The following CAMK4 variants were observed in gnomAD, a reference collection of about 807,000 sequenced individuals.
CAMK4 encodes the protein calcium/calmodulin-dependent protein kinase type IV.
CAMK4 carries 22 observed loss-of-function variants against 44.9 expected under a neutral mutation model. That is an observed-to-expected ratio of 0.49 (90% CI 0.35 to 0.70). The LOEUF is 0.70. CAMK4 is among the 30% of genes least tolerant of loss of function. The pLI is 0.01. For synonymous variants in CAMK4, 218 were observed against 215.4 expected (o/e 1.01, Z -0.11); for missense variants, 498 against 586.8 (o/e 0.85, Z 1.56).
Position 111,487,832 on chromosome 5 carries a change from T to C in CAMK4, c.*3366T>C, listed in dbSNP as rs1019181912. 9.9e-5 allele frequency: 15 copies of C among 152,166 alleles called. No individual in the cohort carries two copies. Among genetic ancestry groups the C allele is most frequent in the African/African-American group, 3.6e-4 (15 of 41,434 alleles). The allele number at this position is 152,166 out of a possible 1,614,324, so 9.4% of individuals were successfully genotyped here. A position where few individuals can be genotyped will look rare whatever the true frequency, so the allele number is the denominator to read the frequency against. On this transcript the variant is annotated 3_prime_UTR_variant, in exon 11 of 11. Coordinates refer to ENST00000282356, the MANE Select transcript of CAMK4 (RefSeq NM_001744.6). ...GATTTAAGTGGCCTCAGTTTTCACA[T>C]TGAGGAGCTGGTGGGAGGCCACAAA...
chr5:111,256,307 A>G (rs1450194228), intron 1 of CAMK4, among the ~76,000 whole-genome samples: 1 of 152,176 alleles, frequency 6.6e-6, no homozygotes, highest in Non-Finnish European at 1.5e-5. Flanking sequence ...ATTGGGTGTG[A>G]TCACAAAGAG....
At chr5:111,258,180 C>G (rs1190055948) in intron 1 of CAMK4, among the ~76,000 whole-genome samples, 1 of 152,156 alleles carries the variant, frequency 6.6e-6, no homozygotes, top group Non-Finnish European at 1.5e-5. Context: ...TAAAAATAGA[C>G]ATGGCTTTAT....
chr5:111,326,882 G>T (rs900576539), intron 1 of CAMK4, among the ~76,000 whole-genome samples: 1 of 151,748 alleles, frequency 6.6e-6, no homozygotes, highest in Non-Finnish European at 1.5e-5. Context: ...TGGACCAATG[G>T]CAACAGTGTG....
At chr5:111,383,757 G>A (rs758220831) in intron 4 of CAMK4, among the ~76,000 whole-genome samples, 12 of 151,648 alleles carry the variant, frequency 7.9e-5, no homozygotes, top group Non-Finnish European at 1.5e-4. Flanking sequence ...GAGTCACCCC[G>A]CCCAGCCAAG....
intron 1 of CAMK4, among the ~76,000 whole-genome samples, chr5:111,289,035 TGGGAGAGGAGATGTTGA>T (rs1442440757): frequency 6.6e-6 from 1 of 152,140 alleles, no homozygotes; most frequent in Non-Finnish European, 1.5e-5. Flanking sequence ...AAGCTCATGG[TGGGAGAGGAGATGTTGA>T]AATACAGGCA....
chr5:111,344,602 G>A (rs1387094278), intron 2 of CAMK4, among the ~76,000 whole-genome samples: 1 of 151,802 alleles, frequency 6.6e-6, no homozygotes, highest in East Asian at 1.9e-4. Context: ...ACTTGCTTCA[G>A]TAGAGTATAA....
At chr5:111,314,850 A>G (rs1748354456) in intron 1 of CAMK4, among the ~76,000 whole-genome samples, 1 of 152,148 alleles carries the variant, frequency 6.6e-6, no homozygotes, top group Non-Finnish European at 1.5e-5. Flanking sequence ...AGAAACAACT[A>G]CAAAGGCTTT....
chr5:111,268,373 G>A (rs1219991493), intron 1 of CAMK4, among the ~76,000 whole-genome samples: 2 of 152,204 alleles, frequency 1.3e-5, no homozygotes, highest in Non-Finnish European at 2.9e-5. Flanking sequence ...AATAGCACAT[G>A]TAAGTGTTCA....
In CAMK4 at chr5:111,481,796, C is replaced by T. The variant is rs528445154; in HGVS notation, c.829-989C>T. ...AATCTTTCTGAGCTACCCTGCTTCC[C>T]TCATTTATGAATTGGCACTAGTAGT... On this transcript the variant is annotated intron_variant, in intron 9 of 10. Transcript: ENST00000282356. Among the ~76,000 whole-genome samples, 5 of 152,276 alleles carry T rather than the reference C, an allele frequency of 3.3e-5. No homozygotes were observed. The East Asian group carries it at 9.6e-4, about 29-fold the overall frequency.
chr5:111,335,017 G>A (rs778289013), intron 1 of CAMK4, among the ~76,000 whole-genome samples: 6 of 151,334 alleles, frequency 4.0e-5, no homozygotes, highest in Non-Finnish European at 5.9e-5. Context: ...CTTTTACATG[G>A]CCATGAAGCA....
chr5:111,334,053 A>G (rs1749290373), intron 1 of CAMK4, among the ~76,000 whole-genome samples: 1 of 151,584 alleles, frequency 6.6e-6, no homozygotes, highest in African/African-American at 2.4e-5. Flanking sequence ...GATAAGAAAG[A>G]GTGCAGTTGT....
At chr5:111,272,119 TTG>T (rs760290469) in intron 1 of CAMK4, among the ~76,000 whole-genome samples, 11 of 148,616 alleles carry the variant, frequency 7.4e-5, no homozygotes, top group Non-Finnish European at 1.2e-4. Flanking sequence ...GTGTGTGTGT[TTG>T]TGTGTGTGTG....
At chr5:111,314,641 A>C (rs1332788403) in intron 1 of CAMK4, among the ~76,000 whole-genome samples, 2 of 152,108 alleles carry the variant, frequency 1.3e-5, no homozygotes, top group Non-Finnish European at 2.9e-5. Context: ...AGTTCCCACC[A>C]ATATAATGAT....
chr5:111,333,108 C>T (rs1749242368), intron 1 of CAMK4, among the ~76,000 whole-genome samples: 1 of 151,312 alleles, frequency 6.6e-6, no homozygotes. Context: ...GTATATATTG[C>T]TTATTAATAT....
chr5:111,476,274 T>TG (rs1222501104), intron 8 of CAMK4, among the ~76,000 whole-genome samples: 5 of 149,136 alleles, frequency 3.4e-5, no homozygotes, highest in African/African-American at 1.3e-4. Context: ...TGTGTGTTTG[T>TG]GTGTGTGTGT....
chr5:111,229,445 C>G (rs1310006505), intron 1 of CAMK4, among the ~76,000 whole-genome samples: 1 of 152,190 alleles, frequency 6.6e-6, no homozygotes. Flanking sequence ...TTCCAAAAGC[C>G]CCACCTATAA....
intron 2 of CAMK4, among the ~76,000 whole-genome samples, chr5:111,372,097 A>G (rs778729648): frequency 3.3e-5 from 5 of 152,188 alleles, no homozygotes; most frequent in Non-Finnish European, 5.9e-5. Flanking sequence ...TGAATATGAA[A>G]TAAACTGATG....
rs145129385 is a variant in CAMK4, at chr5:111,483,940, A to G, written c.982-86A>G. 4.2e-3 allele frequency: 4,374 copies of G among 1,046,198 alleles called. 21 individuals carry two copies. The highest frequency in any genetic ancestry group is 5.1e-3 in the Non-Finnish European group (3,781 of 735,460). The allele number at this position is 1,046,198 out of a possible 1,614,324, so 64.8% of individuals were successfully genotyped here. A position where few individuals can be genotyped will look rare whatever the true frequency, so the allele number is the denominator to read the frequency against. On this transcript the variant is annotated intron_variant, in intron 10 of 10. Coordinates refer to ENST00000282356, the MANE Select transcript of CAMK4 (RefSeq NM_001744.6). ...ACTTTAACGCTAACCTATAAAACGG[A>G]ATCCCTAAAAGCAAAGCTGGGGTTG... is the stretch of plus-strand genomic sequence containing the variant.
In CAMK4 at chr5:111,275,195, G is replaced by A. The variant is rs573968713; in HGVS notation, c.161+50551G>A. Among the ~76,000 whole-genome samples the A allele has an allele frequency of 7.2e-5, 11 of 152,008 alleles. No individual in the cohort carries two copies. The South Asian group carries it at 1.2e-3, about 17-fold the overall frequency. ...TATACAATACATTACTATTAACTGT[G>A]GTCACTATGCTGTGCAGTTCTTGCA... On this transcript the variant is annotated intron_variant, in intron 1 of 10. Transcript: ENST00000282356.
Sources: allele counts gnomAD v4.1 joint callset (sites outside exome capture counted in the v4.1 genomes callset), GRCh38; gene constraint gnomAD v4.1.1; transcripts MANE v1.5; gene names NCBI Gene and HGNC (gene_info 2026-07-23, HGNC 2026-07-21).